NUP98: variants seen among roughly 807,000 people sequenced by gnomAD.
The protein encoded by NUP98 is nucleoporin 98 and 96 precursor.
NUP98 carries 26 observed loss-of-function variants against 191.9 expected under a neutral mutation model. That is an observed-to-expected ratio of 0.14 (90% CI 0.10 to 0.19). The LOEUF (loss-of-function observed/expected upper bound fraction) is 0.19, where lower values mean the gene tolerates loss of function less well. Among genes scored for constraint, NUP98 ranks in the 10% least tolerant of loss-of-function variants. The pLI is 1.00. For synonymous variants in NUP98, 808 were observed against 778.4 expected (o/e 1.04, Z -0.63); for missense variants, 1,941 against 2,178.8 (o/e 0.89, Z 2.17).
chr11:3,712,363 G>C (rs2079045413), intron 20 of NUP98: 3 of 1,381,526 alleles, frequency 2.2e-6, no homozygotes, highest in Non-Finnish European at 2.8e-6. Flanking sequence ...AACAGCAAGA[G>C]AATTCTTTAA....
chr11:3,685,348 C>T (rs1312921994), intron 29 of NUP98, among the ~76,000 whole-genome samples: 1 of 152,138 alleles, frequency 6.6e-6, no homozygotes, highest in Admixed American at 6.6e-5. Context: ...AGGAATGGGT[C>T]GGTGACAAGG....
intron 29 of NUP98, 144 bp from the exon 30 acceptor site, chr11:3,683,585 C>T: frequency 1.2e-6 from 1 of 858,078 alleles, no homozygotes; most frequent in Non-Finnish European, 1.7e-6. Context: ...GTTGCCCAGG[C>T]TGGAGTGCAA....
rs952650228 is a variant in NUP98 at position 3,688,463 on chromosome 11, T to C, written c.4455-2269A>G. ...AAAAACCAGTAAATTTTAGTTACAT[T>C]TTACTACAATAAAAAGCTACATTCT... On this transcript the variant is annotated intron_variant, in intron 28 of 32. Transcript: ENST00000324932. Among the ~76,000 whole-genome samples, 3 of 151,388 alleles carry C rather than the reference T, an allele frequency of 2.0e-5. No homozygotes were observed. The South Asian group carries it at 6.2e-4, about 31-fold the overall frequency.
chr11:3,773,205 C>T lies in NUP98; in HGVS notation c.603+427G>A, dbSNP rs1040108. Among the ~76,000 whole-genome samples, 163 of 152,022 alleles carry T rather than the reference C, an allele frequency of 1.1e-3. 1 individual carries two copies. Among genetic ancestry groups the T allele is most frequent in the Non-Finnish European group, 2.1e-3 (142 of 67,964 alleles). On this transcript the variant is annotated intron_variant, in intron 6 of 32. Coordinates refer to ENST00000324932, the MANE Select transcript of NUP98 (RefSeq NM_016320.5). ...TCGCTTGAGCTCAGGAGTCTGAGACCGGCCTGAGCAACATAGTGAGACCTC... is the reference window on the plus strand; with the variant it reads ...TCGCTTGAGCTCAGGAGTCTGAGACTGGCCTGAGCAACATAGTGAGACCTC...
chr11:3,766,689 CAA>C lies in NUP98; in HGVS notation c.948+1890_948+1891del, dbSNP rs544567161. On this transcript the variant is annotated intron_variant, in intron 8 of 32. Transcript: ENST00000324932. ...GGGCGACAACAGTGAAACTCCGTCTCAAAAAAAAAAAAAAAAAAAAAGAGAGA... is the reference window on the plus strand; with the variant it reads ...GGGCGACAACAGTGAAACTCCGTCTCAAAAAAAAAAAAAAAAAAAGAGAGA... Among the ~76,000 whole-genome samples the C allele has an allele frequency of 1.9e-4, 11 of 58,880 alleles. No individual in the cohort carries two copies. The South Asian group carries it at 2.0e-3, about 10-fold the overall frequency. 38.6% of individuals were successfully genotyped at this position (58,880 alleles called of 152,430 possible).
rs554374682 is a variant in NUP98 at position 3,776,007 on chromosome 11, T to G, written c.370A>C (p.Thr124Pro). ...PTGFGNFGTS[T>P]SSGGLFGTTN... The stretch of plus-strand genomic sequence containing the variant: ...GTTCCAAAGAGTCCTCCACTGCTAG[T>G]ACTGGTTCCAAAATCTAAAAATAAG... The change falls in exon 5 of 33, where the codon ACT (threonine) becomes CCT (proline). Residue 124 changes from threonine to proline, a missense_variant. Thr to Pro is a conservative substitution (Grantham distance 38). Coordinates refer to ENST00000324932, the MANE Select transcript of NUP98 (RefSeq NM_016320.5). 8 of 1,603,590 alleles carry G rather than the reference T, an allele frequency of 5.0e-6. No homozygotes were observed. In the African/African-American group the frequency reaches 1.1e-4, roughly 22 times the overall value.
chr11:3,794,987 T>C (rs2082480116), intron 1 of NUP98, among the ~76,000 whole-genome samples: 1 of 152,214 alleles, frequency 6.6e-6, no homozygotes, highest in Admixed American at 6.5e-5. Flanking sequence ...ATAGTCTCAT[T>C]ATTGGAAATT....
At position 3,738,474 on chromosome 11, in the gene NUP98, G is replaced by T. The variant is rs139078046; in HGVS notation, c.1409-3150C>A. Among the ~76,000 whole-genome samples the T allele has an allele frequency of 5.7e-3, 872 of 152,298 alleles. 10 individuals carry two copies. The highest frequency in any genetic ancestry group is 0.019 in the African/African-American group (775 of 41,550). ...TGATACTTTATCCAGAAGAAAGTCA[G>T]TGGGTTACCACAAATATACTACAGC... On this transcript the variant is annotated intron_variant, in intron 12 of 32. Transcript: ENST00000324932.
At chr11:3,748,314 C>G (rs2080587471) in intron 11 of NUP98, among the ~76,000 whole-genome samples, 1 of 152,130 alleles carries the variant, frequency 6.6e-6, no homozygotes, top group Non-Finnish European at 1.5e-5. Context: ...GCCTGTAATC[C>G]CAGTACTTTG....
intron 10 of NUP98, among the ~76,000 whole-genome samples, chr11:3,755,774 C>T (rs905645208): frequency 6.6e-6 from 1 of 152,118 alleles, no homozygotes; most frequent in African/African-American, 2.4e-5. Flanking sequence ...ACCAGCCTGG[C>T]CAAGATGGTG....
intron 31 of NUP98, 23 bp from the exon 32 acceptor site, chr11:3,676,643 A>G (rs201023407): frequency 1.1e-4 from 178 of 1,575,508 alleles, no homozygotes; most frequent in Admixed American, 3.3e-4. Context: ...AGAGAAGCCA[A>G]TTAATCCAAG....
chr11:3,720,875 T>C (rs2079367312), intron 16 of NUP98, 50 bp from the exon 17 acceptor site: 1 of 729,190 alleles, frequency 1.4e-6, no homozygotes, highest in Non-Finnish European at 2.3e-6. Flanking sequence ...CCTGAAATAA[T>C]CAGCAACTAA....
chr11:3,725,513 G>A (rs1295773522), intron 14 of NUP98, among the ~76,000 whole-genome samples: 1 of 152,108 alleles, frequency 6.6e-6, no homozygotes, highest in Non-Finnish European at 1.5e-5. Context: ...ACTTTATCCA[G>A]ACACTTCGTT....
At chr11:3,790,281 T>A (rs2082291485) in intron 1 of NUP98, among the ~76,000 whole-genome samples, 1 of 152,168 alleles carries the variant, frequency 6.6e-6, no homozygotes, top group Non-Finnish European at 1.5e-5. Context: ...TTTTTAGCCA[T>A]GAAACCCGAC....
intron 1 of NUP98, among the ~76,000 whole-genome samples, chr11:3,793,704 CTCACGCCTGTAA>C (rs2082431631): frequency 2.0e-5 from 3 of 152,192 alleles, no homozygotes; most frequent in Admixed American, 1.3e-4. Context: ...GGCATGGTGG[CTCACGCCTGTAA>C]TCCCAGCACT....
At chr11:3,765,824 A>G (rs1159270874) in intron 8 of NUP98, among the ~76,000 whole-genome samples, 1 of 149,596 alleles carries the variant, frequency 6.7e-6, no homozygotes, top group African/African-American at 2.5e-5. Flanking sequence ...AAAAAAATTG[A>G]TCAATTTTAA....
chr11:3,705,132 A>C, intron 22 of NUP98, 68 bp downstream of exon 22: 1 of 1,504,198 alleles, frequency 6.6e-7, no homozygotes, highest in South Asian at 1.2e-5. Context: ...GGTTAGAAGA[A>C]GAAAAGTGAA....
At chr11:3,781,059 A>C (rs2081951070) in intron 2 of NUP98, among the ~76,000 whole-genome samples, 2 of 151,886 alleles carry the variant, frequency 1.3e-5, no homozygotes, top group Non-Finnish European at 2.9e-5. Flanking sequence ...GGTGGTGTGC[A>C]ACTGTGGTCC....
chr11:3,701,074 T>C (rs685782), intron 23 of NUP98, among the ~76,000 whole-genome samples: 28,582 of 152,036 alleles, frequency 0.19, 2,838 homozygotes, highest in East Asian at 0.26. Context: ...GGCCAGGTTA[T>C]AACAAGCATG....
Sources: allele counts gnomAD v4.1 joint callset (sites outside exome capture counted in the v4.1 genomes callset), GRCh38; gene constraint gnomAD v4.1.1; transcripts MANE v1.5; gene names NCBI Gene and HGNC (gene_info 2026-07-23, HGNC 2026-07-21).